BCAS1: variants seen among roughly 807,000 people sequenced by gnomAD.
BCAS1 encodes the protein brain enriched myelin associated protein 1.
In BCAS1, 46 loss-of-function variants were observed where a neutral mutation model predicts 65.4. That is an observed-to-expected ratio of 0.70 (90% CI 0.55 to 0.90). The LOEUF is 0.90. Ranked by LOEUF, BCAS1 falls within the 40% of genes least tolerant of loss-of-function variation. The pLI, the probability that BCAS1 is intolerant of heterozygous loss-of-function variation, is 0.00. For synonymous variants in BCAS1, 298 were observed against 293.5 expected (o/e 1.02, Z -0.16); for missense variants, 793 against 771.2 (o/e 1.03, Z -0.33).
chr20:54,002,941 G>A (rs73133412), intron 4 of BCAS1, among the ~76,000 whole-genome samples: 4,831 of 152,162 alleles, frequency 0.032, 105 homozygotes, highest in Middle Eastern at 0.095. Context: ...CTGGGCATTT[G>A]AGGACAGGCA....
At chr20:53,996,461 T>TAAAA (rs143929524) in intron 4 of BCAS1, among the ~76,000 whole-genome samples, 6 of 92,132 alleles carry the variant, frequency 6.5e-5, no homozygotes, top group South Asian at 3.9e-4. Flanking sequence ...TTATATCAAC[T>TAAAA]AAAAAAAAAA....
intron 1 of BCAS1, among the ~76,000 whole-genome samples, chr20:54,062,495 C>T (rs1280414619): frequency 6.6e-6 from 1 of 152,204 alleles, no homozygotes; most frequent in African/African-American, 2.4e-5. Context: ...CAAAGTATCT[C>T]TATCTAAATT....
chr20:53,985,232 G>T, intron 8 of BCAS1, 55 bp downstream of exon 8: 2 of 1,534,452 alleles, frequency 1.3e-6, no homozygotes, highest in Non-Finnish European at 1.8e-6. Flanking sequence ...ATAGAAATAA[G>T]TTCTGGAGTC....
In BCAS1 at chr20:53,953,457, G is replaced by C; in HGVS notation, c.1790C>G (p.Ser597Cys). Residue 597 changes from serine (S) to cysteine (C), a missense_variant, in exon 12 of 13, where the codon TCC (serine) becomes TGC (cysteine). Coordinates refer to ENST00000688948, the MANE Select transcript of BCAS1 (RefSeq NM_001366298.2). ...LQKRPEKRQQ[S>C]LGGFFKGLGP... Reference sequence around the variant, plus strand: ...CAGGCCTTTAAAGAAGCCCCCAAGGGACTGCTGCCGCTTCTCAGGTCTCTT... The same window carrying C: ...CAGGCCTTTAAAGAAGCCCCCAAGGCACTGCTGCCGCTTCTCAGGTCTCTT... 6.2e-7 allele frequency: 1 copy of C among 1,614,052 alleles called. No homozygotes were observed. The highest frequency in any genetic ancestry group is 8.5e-7 in the Non-Finnish European group (1 of 1,180,012).
At chr20:54,062,953 C>G (rs290436) in intron 1 of BCAS1, among the ~76,000 whole-genome samples, 57,697 of 152,054 alleles carry the variant, frequency 0.38, 11,251 homozygotes, top group African/African-American at 0.45. Context: ...TGGCTGATGT[C>G]AATATTAGCA....
At chr20:53,968,929 CCATAT>C (rs1306744307) in intron 9 of BCAS1, among the ~76,000 whole-genome samples, 1 of 152,204 alleles carries the variant, frequency 6.6e-6, no homozygotes, top group African/African-American at 2.4e-5. Flanking sequence ...GAGACTGGAG[CCATAT>C]CAGAGACTGA....
At chr20:54,036,452 G>A (rs1378142006) in intron 3 of BCAS1, among the ~76,000 whole-genome samples, 1 of 151,236 alleles carries the variant, frequency 6.6e-6, no homozygotes, top group South Asian at 2.1e-4. Flanking sequence ...CTGTATATGT[G>A]ATTAAAACCT....
intron 4 of BCAS1, among the ~76,000 whole-genome samples, chr20:54,011,689 CAGTT>C (rs933292376): frequency 5.9e-5 from 9 of 152,070 alleles, no homozygotes; most frequent in African/African-American, 1.4e-4. Flanking sequence ...GAATAGAAAA[CAGTT>C]AGACAGTTTC....
intron 1 of BCAS1, among the ~76,000 whole-genome samples, chr20:54,069,763 G>C (rs906243887): frequency 3.3e-5 from 5 of 152,224 alleles, no homozygotes; most frequent in Admixed American, 2.6e-4. Context: ...AGAGGGCTGA[G>C]GGAACCTGCT....
intron 9 of BCAS1, among the ~76,000 whole-genome samples, chr20:53,967,566 GAATTT>G (rs1379530472): frequency 2.6e-5 from 4 of 152,202 alleles, no homozygotes; most frequent in African/African-American, 9.6e-5. Flanking sequence ...AAAAACCACT[GAATTT>G]AATTGACTTC....
intron 3 of BCAS1, among the ~76,000 whole-genome samples, chr20:54,039,550 C>A (rs1466746197): frequency 6.6e-6 from 1 of 151,350 alleles, no homozygotes; most frequent in Non-Finnish European, 1.5e-5. Flanking sequence ...TTCCACTCTT[C>A]TCTTTAATCA....
chr20:53,962,436 A>C (rs563133102), intron 10 of BCAS1, among the ~76,000 whole-genome samples: 43 of 152,220 alleles, frequency 2.8e-4, no homozygotes, highest in Non-Finnish European at 5.4e-4. Context: ...GAGTAAATGA[A>C]ATAAGGTAGG....
chr20:54,050,015 C>T (rs1052302039), intron 3 of BCAS1, among the ~76,000 whole-genome samples: 1 of 152,204 alleles, frequency 6.6e-6, no homozygotes, highest in Non-Finnish European at 1.5e-5. Flanking sequence ...AAAAATGGGT[C>T]AGCTTCTAGA....
intron 1 of BCAS1, among the ~76,000 whole-genome samples, chr20:54,064,002 G>A (rs1195893453): frequency 6.6e-6 from 1 of 152,174 alleles, no homozygotes; most frequent in East Asian, 1.9e-4. Context: ...GTGGAGGGGT[G>A]TTGTTTTTGA....
intron 1 of BCAS1, among the ~76,000 whole-genome samples, chr20:54,062,877 CCAT>C (rs1366417033): frequency 1.3e-5 from 2 of 152,202 alleles, no homozygotes; most frequent in African/African-American, 4.8e-5. Flanking sequence ...TCCTGCCTGT[CCAT>C]CAACCTTTTA....
At chr20:54,068,086 T>A (rs1273095521) in intron 1 of BCAS1, among the ~76,000 whole-genome samples, 1 of 152,222 alleles carries the variant, frequency 6.6e-6, no homozygotes, top group Non-Finnish European at 1.5e-5. Flanking sequence ...GGTTGCCTCC[T>A]GTACAAGGGG....
At chr20:54,055,740 G>A (rs1005675404) in intron 3 of BCAS1, among the ~76,000 whole-genome samples, 1 of 152,106 alleles carries the variant, frequency 6.6e-6, no homozygotes, top group African/African-American at 2.4e-5. Flanking sequence ...GCCAAGATAT[G>A]GGAATGACCT....
At chr20:53,975,015 T>C (rs2090289634) in intron 9 of BCAS1, among the ~76,000 whole-genome samples, 1 of 152,140 alleles carries the variant, frequency 6.6e-6, no homozygotes, top group Non-Finnish European at 1.5e-5. Flanking sequence ...AGTAAGAAGC[T>C]GGATCACCAT....
Position 53,972,824 on chromosome 20 carries a change from C to T in BCAS1, c.1317+2565G>A, listed in dbSNP as rs180715893. Among the ~76,000 whole-genome samples the T allele has an allele frequency of 1.3e-3, 197 of 152,270 alleles. 1 individual carries two copies. The highest frequency in any genetic ancestry group is 2.9e-4 in the Non-Finnish European group (20 of 68,012). On this transcript the variant is annotated intron_variant, in intron 9 of 12. Coordinates refer to ENST00000688948, the MANE Select transcript of BCAS1 (RefSeq NM_001366298.2). ...CCGAAAGTGTAGGTGATATTATTATCGCCATTTAACAGATGAGTAAACTGA... is the reference window on the plus strand; with the variant it reads ...CCGAAAGTGTAGGTGATATTATTATTGCCATTTAACAGATGAGTAAACTGA...
Sources: allele counts gnomAD v4.1 joint callset (sites outside exome capture counted in the v4.1 genomes callset), GRCh38; gene constraint gnomAD v4.1.1; transcripts MANE v1.5; gene names NCBI Gene and HGNC (gene_info 2026-07-23, HGNC 2026-07-21).